Variants in RAB6A observed in about 807,000 individuals in gnomAD.
The protein encoded by RAB6A is RAB6A, member RAS oncogene family.
RAB6A carries 8 observed loss-of-function variants against 32.3 expected under a neutral mutation model. That is an observed-to-expected ratio of 0.25 (90% CI 0.15 to 0.45). The LOEUF (loss-of-function observed/expected upper bound fraction) is 0.45. Among genes scored for constraint, RAB6A ranks in the 20% least tolerant of loss-of-function variants. The pLI is 1.00. For missense variants in RAB6A, 104 were observed against 249.4 expected (o/e 0.42, Z 3.93); for synonymous variants, 73 against 82.1 (o/e 0.89, Z 0.60).
Position 73,760,649 on chromosome 11 carries a change from G to A in RAB6A, c.-14C>T, listed in dbSNP as rs1460639414. The A allele has an allele frequency of 2.5e-6, 4 of 1,604,368 alleles. No homozygotes were observed. The highest frequency in any genetic ancestry group is 1.7e-5 in the Admixed American group (1 of 58,654). ...GCCCGTGGACATTGTGGAACTAGAG[G>A]AGCGGCCGCCGCCTCAGCCTAGAGA... On this transcript the variant is annotated 5_prime_UTR_variant, in exon 1 of 8. Transcript: ENST00000336083.
chr11:73,685,885 C>CAAAAGAAA (rs1945446474), intron 6 of RAB6A, among the ~76,000 whole-genome samples: 1 of 103,028 alleles, frequency 9.7e-6, no homozygotes, highest in Non-Finnish European at 1.8e-5. Context: ...AACTCCGTCT[C>CAAAAGAAA]AAAAAAAAAA....
chr11:73,721,023 A>T (rs986006040), intron 2 of RAB6A, 124 bp from the exon 3 acceptor site: 16 of 689,638 alleles, frequency 2.3e-5, no homozygotes, highest in Non-Finnish European at 3.7e-5. Flanking sequence ...AACATAGTCA[A>T]TTAAGGACAA....
intron 5 of RAB6A, among the ~76,000 whole-genome samples, chr11:73,709,350 A>C (rs1407744687): frequency 6.6e-6 from 1 of 151,594 alleles, no homozygotes; most frequent in Non-Finnish European, 1.5e-5. Context: ...GGAGGGAGTG[A>C]CGGAGGGAGG....
At chr11:73,732,661 C>G (rs1336145686) in intron 1 of RAB6A, among the ~76,000 whole-genome samples, 1 of 152,032 alleles carries the variant, frequency 6.6e-6, no homozygotes, top group African/African-American at 2.4e-5. Flanking sequence ...TTGGGAGGCT[C>G]AGGCAACAGA....
chr11:73,719,533 T>C (rs1429710651), intron 3 of RAB6A, among the ~76,000 whole-genome samples: 2 of 152,146 alleles, frequency 1.3e-5, no homozygotes, highest in Admixed American at 6.5e-5. Context: ...TTACGTACTA[T>C]CCATATCTAT....
At chr11:73,752,256 G>A (rs1020024837) in intron 1 of RAB6A, among the ~76,000 whole-genome samples, 3 of 152,162 alleles carry the variant, frequency 2.0e-5, no homozygotes, top group South Asian at 4.1e-4. Context: ...TCAAGAGTTC[G>A]AGACCAGTCT....
chr11:73,722,390 C>T (rs1341873590), intron 2 of RAB6A: 2 of 127,848 alleles, frequency 1.6e-5, no homozygotes, highest in African/African-American at 6.0e-5. Flanking sequence ...CACTCTTGCC[C>T]AAGCTGGTAT....
chr11:73,708,763 AT>A (rs919753874), intron 5 of RAB6A, among the ~76,000 whole-genome samples: 1 of 152,212 alleles, frequency 6.6e-6, no homozygotes, highest in African/African-American at 2.4e-5. Flanking sequence ...AAAATGGGCA[AT>A]GGAAGAGAAT....
At chr11:73,694,898 C>T (rs887521153) in intron 6 of RAB6A, among the ~76,000 whole-genome samples, 1 of 152,166 alleles carries the variant, frequency 6.6e-6, no homozygotes, top group African/African-American at 2.4e-5. Context: ...CGCGTGCAAT[C>T]CCAGCTACTC....
chr11:73,693,689 A>C (rs1408097830), intron 6 of RAB6A, among the ~76,000 whole-genome samples: 1 of 151,818 alleles, frequency 6.6e-6, no homozygotes, highest in Non-Finnish European at 1.5e-5. Flanking sequence ...GTTCAAGACC[A>C]GCCTAGTAAC....
chr11:73,718,431 A>T (rs1946084417), intron 4 of RAB6A, among the ~76,000 whole-genome samples, 182 bp downstream of exon 4: 1 of 152,250 alleles, frequency 6.6e-6, no homozygotes, highest in Admixed American at 6.5e-5. Flanking sequence ...TGGCACAGTT[A>T]CATATAAAGC....
At chr11:73,681,820 C>CA (rs548688395) in intron 6 of RAB6A, among the ~76,000 whole-genome samples, 5 of 151,658 alleles carry the variant, frequency 3.3e-5, no homozygotes, top group Admixed American at 3.3e-4. Context: ...AAAAACAACA[C>CA]AAAAAAAATG....
At chr11:73,731,147 G>C (rs1332199494) in intron 1 of RAB6A, among the ~76,000 whole-genome samples, 1 of 152,108 alleles carries the variant, frequency 6.6e-6, no homozygotes, top group African/African-American at 2.4e-5. Context: ...TGGAGGCTTA[G>C]GTCCACTTCA....
chr11:73,754,563 A>C (rs1946717170), intron 1 of RAB6A, among the ~76,000 whole-genome samples: 1 of 152,248 alleles, frequency 6.6e-6, no homozygotes, highest in African/African-American at 2.4e-5. Context: ...CAAATATGTA[A>C]AACAATGTCA....
At chr11:73,743,531 G>A (rs1946534325) in intron 1 of RAB6A, among the ~76,000 whole-genome samples, 1 of 152,010 alleles carries the variant, frequency 6.6e-6, no homozygotes, top group Admixed American at 6.6e-5. Flanking sequence ...AGAGTATCAG[G>A]TGGGAGGATC....
At chr11:73,678,610 C>G (rs955513233) in intron 7 of RAB6A, among the ~76,000 whole-genome samples, 6 of 150,882 alleles carry the variant, frequency 4.0e-5, no homozygotes, top group Admixed American at 2.6e-4. Context: ...GAATGAGACT[C>G]CATCTCAAAA....
chr11:73,754,332 C>A (rs984179200), intron 1 of RAB6A, among the ~76,000 whole-genome samples: 1 of 152,226 alleles, frequency 6.6e-6, no homozygotes, highest in Admixed American at 6.5e-5. Flanking sequence ...CTACTGACCC[C>A]TTAGGATCTC....
chr11:73,760,498 G>A (rs1314423598), intron 1 of RAB6A, 68 bp downstream of exon 1: 1 of 1,525,392 alleles, frequency 6.6e-7, no homozygotes, highest in Non-Finnish European at 8.8e-7. Context: ...GCGGACGGAA[G>A]GGCCGCACCG....
At chr11:73,747,833 T>C (rs1946614720) in intron 1 of RAB6A, among the ~76,000 whole-genome samples, 1 of 152,212 alleles carries the variant, frequency 6.6e-6, no homozygotes, top group Admixed American at 6.5e-5. Context: ...ACAGAGGCCA[T>C]GAATTCTTGG....
Sources: allele counts gnomAD v4.1 joint callset (sites outside exome capture counted in the v4.1 genomes callset), GRCh38; gene constraint gnomAD v4.1.1; transcripts MANE v1.5; gene names NCBI Gene and HGNC (gene_info 2026-07-23, HGNC 2026-07-21).